The following PHETA1 variants were observed in gnomAD, a reference collection of about 807,000 sequenced individuals.
The protein encoded by PHETA1 is PH domain containing endocytic trafficking adaptor 1.
For synonymous variants in PHETA1, 155 were observed against 168.9 expected, an observed-to-expected ratio of 0.92 and a Z score of 0.64; for missense variants, 348 against 373.5, an observed-to-expected ratio of 0.93 and a Z score of 0.56.
In PHETA1 at chr12:111,361,569, GAAGA is replaced by G. The variant is rs926840513; in HGVS notation, c.*1105_*1108del. ...GGATGAAAAATGGGCACTGTGGTGA[GAAGA>G]AAGGGGACCGGCGGTCAGCCCCGAA... On this transcript the variant is annotated 3_prime_UTR_variant, in exon 3 of 3. Coordinates refer to ENST00000683047, the MANE Select transcript of PHETA1 (RefSeq NM_144671.6). The G allele has an allele frequency of 1.5e-5, 4 of 266,308 alleles. No homozygotes were observed. Among genetic ancestry groups the G allele is most frequent in the Non-Finnish European group, 3.0e-5 (4 of 132,904 alleles). The allele number at this position is 266,308 out of a possible 1,614,324, so 16.5% of individuals were successfully genotyped here. A position where few individuals can be genotyped will look rare whatever the true frequency, so the allele number is the denominator to read the frequency against.
rs770144356 is a variant in PHETA1, at chr12:111,361,258, C to A, written c.*1420G>T. 1 of 152,342 alleles carries A rather than the reference C, an allele frequency of 6.6e-6. No homozygotes were observed. Among genetic ancestry groups the A allele is most frequent in the East Asian group, 1.9e-4 (1 of 5,178 alleles). The allele number at this position is 152,342 out of a possible 1,614,324, so 9.4% of individuals were successfully genotyped here. A position where few individuals can be genotyped will look rare whatever the true frequency, so the allele number is the denominator to read the frequency against. On this transcript the variant is annotated 3_prime_UTR_variant, in exon 3 of 3. Coordinates refer to ENST00000683047, the MANE Select transcript of PHETA1 (RefSeq NM_144671.6). ...TTGTTGCCAGAGAAAAAAAAATGAA[C>A]CCTAAGTATTTAAAATTCAGACGGA...
chr12:111,363,613 C>G lies in PHETA1; in HGVS notation c.-36-150G>C. ...TGGAAGCAGCTGGCCTATGCGCCCACAACTCCTAAGAAGCAGAGACAGGAC... is the reference window on the plus strand; with the variant it reads ...TGGAAGCAGCTGGCCTATGCGCCCAGAACTCCTAAGAAGCAGAGACAGGAC... On this transcript the variant is annotated intron_variant, in intron 2 of 2. Coordinates refer to ENST00000683047, the MANE Select transcript of PHETA1 (RefSeq NM_144671.6). The surrounding 1 kb of genome is among the most constrained non-coding windows in gnomAD (Gnocchi z 7.4). The G allele has an allele frequency of 6.5e-7, 1 of 1,534,542 alleles. No homozygotes were observed. The highest frequency in any genetic ancestry group is 8.7e-7 in the Non-Finnish European group (1 of 1,146,344).
rs140707089 is a variant in PHETA1 at position 111,366,105 on chromosome 12, G to A, written c.-37+8C>T. On this transcript the variant is annotated splice_region_variant and intron_variant, in intron 2 of 2. Coordinates refer to ENST00000683047, the MANE Select transcript of PHETA1 (RefSeq NM_144671.6). ...CCTCCCGCCCTGCTTGCCCAGTTCC[G>A]CTCCTACCTCTCAGGCCACCACTTG... 2.6e-4 allele frequency: 41 copies of A among 157,872 alleles called. No individual in the cohort carries two copies. The highest frequency in any genetic ancestry group is 4.8e-4 in the Non-Finnish European group (34 of 70,602). The allele number at this position is 157,872 out of a possible 1,614,324, so 9.8% of individuals were successfully genotyped here.
rs1868739080 is a variant in PHETA1 at position 111,362,907 on chromosome 12, AGGGGCAGGGCTGGGACCGGGGCT to A, written c.498_520del (p.Val169ProfsTer18). 3 of 1,326,070 alleles carry A rather than the reference AGGGGCAGGGCTGGGACCGGGGCT, an allele frequency of 2.3e-6. No homozygotes were observed. The highest frequency in any genetic ancestry group is 1.3e-5 in the South Asian group (1 of 76,046). 82.1% of individuals were successfully genotyped at this position (1,326,070 alleles called of 1,614,324 possible). A position where few individuals can be genotyped will look rare whatever the true frequency, so the allele number is the denominator to read the frequency against. On this transcript the variant is annotated frameshift_variant, in exon 3 of 3. Transcript: ENST00000683047. LOFTEE classifies it low-confidence loss of function (END_TRUNC). ...CGGGAGGGCACTGGGCCGGCGGGGCAGGGGCAGGGCTGGGACCGGGGCTGGGGCAGAAGGCAGGGATGGGACTG... is the reference window on the plus strand; with the variant it reads ...CGGGAGGGCACTGGGCCGGCGGGGCAGGGGCAGAAGGCAGGGATGGGACTG...
rs1194825840 is a variant in PHETA1 at position 111,363,466 on chromosome 12, G to A, written c.-36-3C>T. 1.3e-6 allele frequency: 2 copies of A among 1,592,660 alleles called. No individual in the cohort carries two copies. Among genetic ancestry groups the A allele is most frequent in the South Asian group, 2.3e-5 (2 of 88,692 alleles). ...GGGCCTGGAGGGGAGCCTGGGGCCT[G>A]GACCCCATAGAAGGGCTGTTATGCA... On this transcript the variant is annotated splice_polypyrimidine_tract_variant and splice_region_variant and intron_variant, in intron 2 of 2. Transcript: ENST00000683047. This position sits in a 1 kb window ranked among gnomAD's most constrained non-coding sequence, Gnocchi z 7.4.
chr12:111,362,894 G>A lies in PHETA1; in HGVS notation c.534C>T (p.Pro178=), dbSNP rs1354915652. The change falls in exon 3 of 3, where the codon CCC becomes CCT. Residue 178 remains proline (P), a synonymous_variant. Transcript: ENST00000683047. The stretch of plus-strand genomic sequence containing the variant: ...CATTCTCCTTGGGCGGGAGGGCACT[G>A]GGCCGGCGGGGCAGGGGCAGGGCTG... ...PVPALPLPRR[P]SALPPKENGC... The A allele has an allele frequency of 2.0e-6, 3 of 1,519,168 alleles. No individual in the cohort carries two copies. Among genetic ancestry groups the A allele is most frequent in the Non-Finnish European group, 2.6e-6 (3 of 1,137,992 alleles). 94.1% of individuals were successfully genotyped at this position (1,519,168 alleles called of 1,614,324 possible).
Position 111,368,402 on chromosome 12 carries a change from C to A in PHETA1, c.-182+510G>T, listed in dbSNP as rs918030368. On this transcript the variant is annotated intron_variant, in intron 1 of 2. Transcript: ENST00000683047. The surrounding 1 kb of genome is among the most constrained non-coding windows in gnomAD (Gnocchi z 5.0). ...GCCCTCAGTGTCCCCCAGCAGCGGG[C>A]GTGGGGAAGAGGGTGTGGCAGGCAC... Among the ~76,000 whole-genome samples, 4 of 152,106 alleles carry A rather than the reference C, an allele frequency of 2.6e-5. No homozygotes were observed. The highest frequency in any genetic ancestry group is 1.3e-4 in the Admixed American group (2 of 15,262).
rs888209361 is a variant in PHETA1, at chr12:111,367,450, G to T, written c.-181-1193C>A. Among the ~76,000 whole-genome samples the T allele has an allele frequency of 1.3e-5, 2 of 152,160 alleles. No homozygotes were observed. Among genetic ancestry groups the T allele is most frequent in the African/African-American group, 4.8e-5 (2 of 41,420 alleles). On this transcript the variant is annotated intron_variant, in intron 1 of 2. Transcript: ENST00000683047. This position sits in a 1 kb window ranked among gnomAD's most constrained non-coding sequence, Gnocchi z 4.0. ...AACCTTTCAACAGCCCCAAGACAAG[G>T]GATCTCACCCCACATTCACAGATGT...
rs1868584120 is a variant in PHETA1, at chr12:111,361,261, T to TAA, written c.*1415_*1416dup. 1 of 151,934 alleles carries TAA rather than the reference T, an allele frequency of 6.6e-6. No individual in the cohort carries two copies. The highest frequency in any genetic ancestry group is 2.4e-5 in the African/African-American group (1 of 41,292). The allele number at this position is 151,934 out of a possible 1,614,324, so 9.4% of individuals were successfully genotyped here. On this transcript the variant is annotated 3_prime_UTR_variant, in exon 3 of 3. Transcript: ENST00000683047. ...TTGCCAGAGAAAAAAAAATGAACCC[T>TAA]AAGTATTTAAAATTCAGACGGAAGT...
Position 111,363,082 on chromosome 12 carries a change from G to C in PHETA1, c.346C>G (p.Leu116Val). ...KALSRASFDY[L>V]RLVVRELEQQ... ...TCCAGCTCGCGCACCACCAGCCGCA[G>C]GTAGTCGAAGCTGGCACGCGACAGG... The change falls in exon 3 of 3, where the codon CTG (leucine) becomes GTG (valine). Residue 116 changes from leucine to valine, a missense_variant. Coordinates refer to ENST00000683047, the MANE Select transcript of PHETA1 (RefSeq NM_144671.6). The surrounding 1 kb of genome is among the most constrained non-coding windows in gnomAD (Gnocchi z 7.4). 6.3e-7 allele frequency: 1 copy of C among 1,587,486 alleles called. No individual in the cohort carries two copies. Among genetic ancestry groups the C allele is most frequent in the East Asian group, 2.2e-5 (1 of 44,552 alleles).
At chr12:111,365,631 G>GA (rs1868981380) in intron 2 of PHETA1, 22 of 431,906 alleles carry the variant, frequency 5.1e-5, no homozygotes, top group South Asian at 3.7e-4. Context: ...GATGGAGCTG[G>GA]AAGCCATCAT....
rs1869130946 is a variant in PHETA1 at position 111,367,972 on chromosome 12, A to C, written c.-182+940T>G. On this transcript the variant is annotated intron_variant, in intron 1 of 2. Coordinates refer to ENST00000683047, the MANE Select transcript of PHETA1 (RefSeq NM_144671.6). This position sits in a 1 kb window ranked among gnomAD's most constrained non-coding sequence, Gnocchi z 4.0. ...TGGAGGACCTTGGACAAGTCGTTTC[A>C]CCTTTCCAAGTCTCAGTGTCCTCAT... is the stretch of plus-strand genomic sequence containing the variant. Among the ~76,000 whole-genome samples, 2 of 152,102 alleles carry C rather than the reference A, an allele frequency of 1.3e-5. No individual in the cohort carries two copies. Among genetic ancestry groups the C allele is most frequent in the African/African-American group, 4.8e-5 (2 of 41,404 alleles).
chr12:111,363,166 C>T lies in PHETA1; in HGVS notation c.262G>A (p.Ala88Thr). 2.5e-6 allele frequency: 4 copies of T among 1,612,010 alleles called. No homozygotes were observed. Among genetic ancestry groups the T allele is most frequent in the Non-Finnish European group, 3.4e-6 (4 of 1,179,816 alleles). The change falls in exon 3 of 3, where the codon GCG becomes ACG. Residue 88 changes from alanine (A) to threonine (T), a missense_variant. Ala to Thr is a moderately conservative substitution (Grantham distance 58). Transcript: ENST00000683047. This position sits in a 1 kb window ranked among gnomAD's most constrained non-coding sequence, Gnocchi z 7.4. ...TCAGCGGCCAGCACGTAGGTGCGCG[C>T]CCGGGTCCCCGCAAAGCGCACAGCG... Reference protein sequence around the residue: ...AFAVRFAGTRARTYVLAAESQ... With the variant: ...AFAVRFAGTRTRTYVLAAESQ...
rs1869163456 is a variant in PHETA1 at position 111,368,518 on chromosome 12, T to A, written c.-182+394A>T. Among the ~76,000 whole-genome samples, 1 of 152,104 alleles carries A rather than the reference T, an allele frequency of 6.6e-6. No homozygotes were observed. On this transcript the variant is annotated intron_variant, in intron 1 of 2. Transcript: ENST00000683047. The surrounding 1 kb of genome is among the most constrained non-coding windows in gnomAD (Gnocchi z 5.0). ...CCCCAGAGACACGCCAGCACCGCCGTCCAGACACAGGCAGCCCCCTTGTCC... is the reference window on the plus strand; with the variant it reads ...CCCCAGAGACACGCCAGCACCGCCGACCAGACACAGGCAGCCCCCTTGTCC...
Position 111,363,509 on chromosome 12 carries a change from G to A in PHETA1, c.-36-46C>T, listed in dbSNP as rs1349253178. 3 of 1,553,238 alleles carry A rather than the reference G, an allele frequency of 1.9e-6. No homozygotes were observed. The Admixed American group carries it at 5.7e-5, about 29-fold the overall frequency. On this transcript the variant is annotated intron_variant, in intron 2 of 2. Coordinates refer to ENST00000683047, the MANE Select transcript of PHETA1 (RefSeq NM_144671.6). This position sits in a 1 kb window ranked among gnomAD's most constrained non-coding sequence, Gnocchi z 7.4. ...GTTATGCACAAGGCCACTGACGCTA[G>A]GTCACCCAGTGCCCCAAGGGGACCT... is the stretch of plus-strand genomic sequence containing the variant.
chr12:111,362,825 G>T lies in PHETA1; in HGVS notation c.603C>A (p.Pro201=). 1 of 1,538,852 alleles carries T rather than the reference G, an allele frequency of 6.5e-7. No individual in the cohort carries two copies. ...WSTEATFRPG[P]EPPPPPPRRR... ...GGCGAGGCGGTGGTGGAGGGGGCTC[G>T]GGTCCAGGCCTGAAGGTGGCCTCAG... Residue 201 remains proline (P), a synonymous_variant, in exon 3 of 3, where the codon CCC becomes CCA. Transcript: ENST00000683047.
rs1421214117 is a variant in PHETA1 at position 111,362,833 on chromosome 12, G to A, written c.595C>T (p.Pro199Ser). 6.5e-7 allele frequency: 1 copy of A among 1,538,918 alleles called. No individual in the cohort carries two copies. The highest frequency in any genetic ancestry group is 1.4e-5 in the African/African-American group (1 of 73,108). Residue 199 changes from proline (P) to serine (S), a missense_variant, in exon 3 of 3, where the codon CCT becomes TCT. Pro to Ser is a moderately conservative substitution (Grantham distance 74, BLOSUM62 -1). Transcript: ENST00000683047. ...GGTGGTGGAGGGGGCTCGGGTCCAG[G>A]CCTGAAGGTGGCCTCAGTGCTCCAG... ...AVWSTEATFRPGPEPPPPPPR... is the reference protein window; with the variant it reads ...AVWSTEATFRSGPEPPPPPPR...
Position 111,362,741 on chromosome 12 carries a change from C to T in PHETA1, c.687G>A (p.Glu229=), listed in dbSNP as rs575355963. ...LDMAPFARLH[E]CYGQEIRALR... Reference sequence around the variant, plus strand: ...GGGCCCGGATCTCCTGGCCATAGCACTCGTGCAGCCGGGCGAAGGGGGCCA... The same window carrying T: ...GGGCCCGGATCTCCTGGCCATAGCATTCGTGCAGCCGGGCGAAGGGGGCCA... Residue 229 remains glutamate (E), a synonymous_variant, in exon 3 of 3, where the codon GAG becomes GAA. Coordinates refer to ENST00000683047, the MANE Select transcript of PHETA1 (RefSeq NM_144671.6). The T allele has an allele frequency of 1.7e-5, 26 of 1,543,902 alleles. No individual in the cohort carries two copies. The African/African-American group carries it at 2.3e-4, about 14-fold the overall frequency.
chr12:111,361,070 G>C lies in PHETA1; in HGVS notation c.*1608C>G, dbSNP rs1190801959. ...GGGGGGAAGACAATGAAGCAGCCAA[G>C]GATCCCTCTCGAGGGGCTCTGTCTC... On this transcript the variant is annotated 3_prime_UTR_variant, in exon 3 of 3. Coordinates refer to ENST00000683047, the MANE Select transcript of PHETA1 (RefSeq NM_144671.6). 1 of 152,224 alleles carries C rather than the reference G, an allele frequency of 6.6e-6. No homozygotes were observed. The highest frequency in any genetic ancestry group is 1.5e-5 in the Non-Finnish European group (1 of 68,110). The allele number at this position is 152,224 out of a possible 1,614,324, so 9.4% of individuals were successfully genotyped here.
Sources: allele counts gnomAD v4.1 joint callset (sites outside exome capture counted in the v4.1 genomes callset), GRCh38; gene constraint gnomAD v4.1.1; non-coding constraint Gnocchi (gnomAD v3.1); transcripts MANE v1.5; gene names NCBI Gene and HGNC (gene_info 2026-07-23, HGNC 2026-07-21).